MYPN: variants seen among roughly 807,000 people sequenced by gnomAD.
MYPN encodes the protein sarcomeric protein myopalladin, 145 kDa (MYOP).
Under a neutral mutation model 129.4 loss-of-function variants are expected in MYPN, and 63 were observed. That is an observed-to-expected ratio of 0.49 (90% CI 0.40 to 0.60). The LOEUF is 0.60. Ranked by LOEUF, MYPN falls within the 20% of genes least tolerant of loss-of-function variation. The pLI is 0.00. For missense variants in MYPN, 1,596 were observed against 1,635.4 expected, an observed-to-expected ratio of 0.98 and a Z score of 0.42; for synonymous variants, 629 against 600.9, an observed-to-expected ratio of 1.05 and a Z score of -0.68.
At chr10:68,152,257 C>CTTAA (rs1436139167) in intron 6 of MYPN, among the ~76,000 whole-genome samples, 3 of 152,018 alleles carry the variant, frequency 2.0e-5, no homozygotes, top group Non-Finnish European at 1.5e-5. Context: ...TCTTATCAGA[C>CTTAA]TTAAAGAGTC....
Position 68,210,994 on chromosome 10 carries a change from C to T in MYPN, c.*539C>T, listed in dbSNP as rs773608931. On this transcript the variant is annotated 3_prime_UTR_variant, in exon 20 of 20. Transcript: ENST00000358913. ...GGTCATGCCATACAACTCACGTATGCGGGCAAACACTTTTGATTTGCATAT... is the reference window on the plus strand; with the variant it reads ...GGTCATGCCATACAACTCACGTATGTGGGCAAACACTTTTGATTTGCATAT... 6.8e-5 allele frequency: 31 copies of T among 454,116 alleles called. No homozygotes were observed. Among genetic ancestry groups the T allele is most frequent in the East Asian group, 3.5e-4 (5 of 14,396 alleles). The allele number at this position is 454,116 out of a possible 1,614,324, so 28.1% of individuals were successfully genotyped here. A position where few individuals can be genotyped will look rare whatever the true frequency, so the allele number is the denominator to read the frequency against.
chr10:68,125,283 T>A (rs1362137057), intron 2 of MYPN, among the ~76,000 whole-genome samples: 1 of 152,202 alleles, frequency 6.6e-6, no homozygotes, highest in African/African-American at 2.4e-5. Flanking sequence ...CAATGCTAAT[T>A]TTTCCTGGGA....
chr10:68,202,088 T>G, intron 18 of MYPN, 94 bp downstream of exon 18: 1 of 1,428,988 alleles, frequency 7.0e-7, no homozygotes, highest in South Asian at 1.1e-5. Flanking sequence ...TCTGGCTTAC[T>G]TCATTTAGAA....
rs1329641616 is a variant in MYPN at position 68,109,592 on chromosome 10, C to G, written c.-133C>G. ...TCCTCACTCTCTATGGACGGCTACT[C>G]TCTATTTCCAAGGGCGTGAAGAATT... is the stretch of plus-strand genomic sequence containing the variant. On this transcript the variant is annotated 5_prime_UTR_variant, in exon 1 of 20. Transcript: ENST00000358913. 6.6e-6 allele frequency: 3 copies of G among 454,088 alleles called. No individual in the cohort carries two copies. The highest frequency in any genetic ancestry group is 2.3e-5 in the Admixed American group (1 of 42,562). 28.1% of individuals were successfully genotyped at this position (454,088 alleles called of 1,614,324 possible). A position where few individuals can be genotyped will look rare whatever the true frequency, so the allele number is the denominator to read the frequency against.
intron 2 of MYPN, among the ~76,000 whole-genome samples, chr10:68,137,757 G>T (rs2042509656): frequency 6.7e-6 from 1 of 148,782 alleles, no homozygotes; most frequent in South Asian, 2.1e-4. Flanking sequence ...AATACTGTCA[G>T]TTTTTTTTTT....
chr10:68,138,585 A>T (rs1279878411), intron 2 of MYPN, among the ~76,000 whole-genome samples: 1 of 152,198 alleles, frequency 6.6e-6, no homozygotes, highest in Non-Finnish European at 1.5e-5. Flanking sequence ...AAAGGCAAAT[A>T]ATATCTTTGT....
intron 2 of MYPN, chr10:68,136,873 A>G: frequency 2.2e-6 from 2 of 905,768 alleles, no homozygotes; most frequent in Non-Finnish European, 3.2e-6. Context: ...AAATGTTATT[A>G]AAGAACAGAC....
chr10:68,205,384 A>G (rs1012425220), intron 18 of MYPN, among the ~76,000 whole-genome samples: 1 of 151,734 alleles, frequency 6.6e-6, no homozygotes, highest in African/African-American at 2.4e-5. Context: ...CCTTCTAGAG[A>G]AGGAATTTCT....
At chr10:68,104,976 G>T (rs187915471), upstream of MYPN, among the ~76,000 whole-genome samples, 6 of 152,126 alleles carry the variant, frequency 3.9e-5, no homozygotes, top group Admixed American at 2.0e-4. Context: ...TAGAGACAGG[G>T]TTTCACCATG....
chr10:68,169,181 TAAAAAAAAA>T (rs59317396), intron 10 of MYPN, among the ~76,000 whole-genome samples: 45,089 of 91,500 alleles, frequency 0.49, 11,077 homozygotes, highest in Non-Finnish European at 0.55. Flanking sequence ...CCGTCTCTAC[TAAAAAAAAA>T]AAAAAAAAAA....
At chr10:68,092,037 G>T (rs750098448) in intron 1 of MYPN, among the ~76,000 whole-genome samples, 1 of 152,022 alleles carries the variant, frequency 6.6e-6, no homozygotes, top group African/African-American at 2.4e-5. Context: ...AGCTATGATT[G>T]TGTCACTGCT....
At chr10:68,112,845 G>A (rs1209344638) in intron 1 of MYPN, among the ~76,000 whole-genome samples, 1 of 152,174 alleles carries the variant, frequency 6.6e-6, no homozygotes, top group East Asian at 1.9e-4. Flanking sequence ...ATAGTGAAGG[G>A]ATGGATATTG....
At chr10:68,107,333 T>A (rs1433053559), upstream of MYPN, among the ~76,000 whole-genome samples, 5 of 145,986 alleles carry the variant, frequency 3.4e-5, no homozygotes, top group African/African-American at 7.8e-5. Flanking sequence ...GTCTTTGGCT[T>A]CTCTTTTCTT....
At chr10:68,182,425 TAA>T (rs200057615) in intron 12 of MYPN, among the ~76,000 whole-genome samples, 12,912 of 100,354 alleles carry the variant, frequency 0.13, 1,509 homozygotes, top group Middle Eastern at 0.27. Context: ...AACATATATA[TAA>T]CACATATATA....
At chr10:68,186,542 TTAAC>T (rs1226880026) in intron 12 of MYPN, among the ~76,000 whole-genome samples, 1 of 152,058 alleles carries the variant, frequency 6.6e-6, no homozygotes, top group East Asian at 1.9e-4. Context: ...AAAATTAGGG[TTAAC>T]TAGAGTCATA....
intron 13 of MYPN, among the ~76,000 whole-genome samples, chr10:68,189,611 C>A (rs760418269): frequency 7.9e-5 from 12 of 152,198 alleles, no homozygotes; most frequent in Non-Finnish European, 1.3e-4. Flanking sequence ...TCAGAACATG[C>A]AATACATGCC....
intron 2 of MYPN, among the ~76,000 whole-genome samples, chr10:68,130,904 C>T (rs1326972859): frequency 2.0e-5 from 3 of 152,172 alleles, no homozygotes; most frequent in Admixed American, 6.5e-5. Flanking sequence ...CCCCACTGAT[C>T]TATAGTGTCA....
chr10:68,158,472 T>C lies in MYPN; in HGVS notation c.1318-14T>C. On this transcript the variant is annotated splice_polypyrimidine_tract_variant and intron_variant, in intron 6 of 19. Coordinates refer to ENST00000358913, the MANE Select transcript of MYPN (RefSeq NM_032578.4). ...TACTTTTTTGTTCTAACTACATTCTTCTTATCATTATAGATGCTACAAAAT... is the reference window on the plus strand; with the variant it reads ...TACTTTTTTGTTCTAACTACATTCTCCTTATCATTATAGATGCTACAAAAT... 6.2e-7 allele frequency: 1 copy of C among 1,612,674 alleles called. No individual in the cohort carries two copies.
intron 15 of MYPN, among the ~76,000 whole-genome samples, chr10:68,195,758 T>C (rs544975998): frequency 6.6e-6 from 1 of 151,828 alleles, no homozygotes; most frequent in East Asian, 1.9e-4. Context: ...TCCACAAGCA[T>C]AGTAAAGTTT....
Sources: gnomAD v4.1 joint callset for allele counts (sites outside exome capture counted in the v4.1 genomes callset) on GRCh38, gnomAD v4.1.1 for gene constraint, MANE v1.5 for transcripts, NCBI Gene and HGNC (gene_info 2026-07-23, HGNC 2026-07-21) for gene names.